The following CSPP1 variants were observed in gnomAD, a reference collection of about 807,000 sequenced individuals.
CSPP1 encodes centrosome and spindle pole-associated protein 1.
In CSPP1, 126 loss-of-function variants were observed where a neutral mutation model predicts 164.4. The observed-to-expected ratio is 0.77, with a 90% CI of 0.66 to 0.89. The LOEUF (loss-of-function observed/expected upper bound fraction) is 0.89. Ranked by LOEUF, CSPP1 falls within the 40% of genes least tolerant of loss-of-function variation. The pLI is 0.00. For missense variants in CSPP1, 1,395 were observed against 1,449.8 expected (o/e 0.96, Z 0.61); for synonymous variants, 472 against 476.7 (o/e 0.99, Z 0.13).
At chr8:67,068,519 C>T (rs2129539716) in intron 1 of CSPP1, among the ~76,000 whole-genome samples, 1 of 152,284 alleles carries the variant, frequency 6.6e-6, no homozygotes, top group African/African-American at 2.4e-5. Flanking sequence ...TTTTTGGCAA[C>T]TTAATCCTTA....
Position 67,195,754 on chromosome 8 carries a change from T to TA in CSPP1, c.*165dup. 1.6e-6 allele frequency: 1 copy of TA among 608,056 alleles called. No homozygotes were observed. 37.7% of individuals were successfully genotyped at this position (608,056 alleles called of 1,614,324 possible). ...TCATGATGTATATTATGTACATAAA[T>TA]AAAAGGCCATGATTATTGATTTATA... On this transcript the variant is annotated 3_prime_UTR_variant, in exon 31 of 31. Coordinates refer to ENST00000678616, the MANE Select transcript of CSPP1 (RefSeq NM_001382391.1).
At chr8:67,143,259 C>T (rs7003018) in intron 17 of CSPP1, among the ~76,000 whole-genome samples, 5,423 of 152,026 alleles carry the variant, frequency 0.036, 203 homozygotes, top group African/African-American at 0.082. Flanking sequence ...CTCTTGATTA[C>T]TATAGCTTTG....
At chr8:67,107,814 T>G (rs568093247) in intron 9 of CSPP1, among the ~76,000 whole-genome samples, 219 of 152,182 alleles carry the variant, frequency 1.4e-3, no homozygotes, top group African/African-American at 5.0e-3. Flanking sequence ...TATTGTGGGG[T>G]TTATAAGAGA....
chr8:67,192,079 T>TG (rs1554626061), intron 29 of CSPP1, among the ~76,000 whole-genome samples: 1 of 105,802 alleles, frequency 9.5e-6, no homozygotes. Context: ...TTTTTTTTTG[T>TG]TTTTTTTTTT....
At chr8:67,064,601 A>AGCGGGG (rs1327645779) in intron 1 of CSPP1, 63 bp downstream of exon 1, 3 of 1,221,566 alleles carry the variant, frequency 2.5e-6, no homozygotes, top group East Asian at 5.1e-5. Flanking sequence ...GCTGCCCCGG[A>AGCGGGG]GCGGGGGCAG....
chr8:67,152,102 A>G (rs1825819881), intron 18 of CSPP1, among the ~76,000 whole-genome samples: 1 of 151,564 alleles, frequency 6.6e-6, no homozygotes, highest in African/African-American at 2.4e-5. Context: ...AAAAAAAAAA[A>G]AAAAGAATTA....
rs1368030981 is a variant in CSPP1 at position 67,196,018 on chromosome 8, C to CCAGTTTCTGTGTGATGCAATCAAATGT, written c.*427_*453dup. 3.8e-5 allele frequency: 6 copies of CCAGTTTCTGTGTGATGCAATCAAATGT among 158,744 alleles called. No homozygotes were observed. The highest frequency in any genetic ancestry group is 1.5e-4 in the African/African-American group (6 of 41,260). The allele number at this position is 158,744 out of a possible 1,614,324, so 9.8% of individuals were successfully genotyped here. ...TACATCTATTGTAGCTGTGATTATT[C>CCAGTTTCTGTGTGATGCAATCAAATGT]CAGTTTCTGTGTGATGCAATCAAAT... is the stretch of plus-strand genomic sequence containing the variant. On this transcript the variant is annotated 3_prime_UTR_variant, in exon 31 of 31. Transcript: ENST00000678616.
At chr8:67,133,039 T>C (rs544833690) in intron 16 of CSPP1, among the ~76,000 whole-genome samples, 88 of 152,338 alleles carry the variant, frequency 5.8e-4, no homozygotes, top group African/African-American at 2.0e-3. Flanking sequence ...TATGTTAGGA[T>C]TCTACAAATA....
At chr8:67,167,221 C>T (rs554589824) in intron 24 of CSPP1, among the ~76,000 whole-genome samples, 3 of 152,366 alleles carry the variant, frequency 2.0e-5, no homozygotes, top group Admixed American at 2.0e-4. Flanking sequence ...ATGGCCCGTT[C>T]TCAATGAGCT....
At chr8:67,067,066 T>C (rs1805714238) in intron 1 of CSPP1, among the ~76,000 whole-genome samples, 1 of 152,168 alleles carries the variant, frequency 6.6e-6, no homozygotes, top group African/African-American at 2.4e-5. Context: ...ACATTTTATA[T>C]TTTTGACTAC....
intron 16 of CSPP1, among the ~76,000 whole-genome samples, chr8:67,133,240 T>C (rs1342389243): frequency 6.6e-6 from 1 of 152,232 alleles, no homozygotes; most frequent in Non-Finnish European, 1.5e-5. Context: ...TTCCAAAATG[T>C]AGACACTTGT....
At chr8:67,102,880 A>T (rs1278300855) in intron 7 of CSPP1, among the ~76,000 whole-genome samples, 157 bp from the exon 8 acceptor site, 1 of 152,248 alleles carries the variant, frequency 6.6e-6, no homozygotes, top group Non-Finnish European at 1.5e-5. Flanking sequence ...AGCAGATCAT[A>T]CAAATTCTAT....
chr8:67,141,893 A>G (rs1314332568), intron 17 of CSPP1, among the ~76,000 whole-genome samples: 1 of 152,246 alleles, frequency 6.6e-6, no homozygotes, highest in Non-Finnish European at 1.5e-5. Flanking sequence ...CTAAGACCAC[A>G]TAACGTCTGT....
At chr8:67,111,200 C>T (rs982507472) in intron 9 of CSPP1, among the ~76,000 whole-genome samples, 2 of 152,146 alleles carry the variant, frequency 1.3e-5, no homozygotes, top group Non-Finnish European at 2.9e-5. Context: ...GTGGCATTAA[C>T]ATATGCAATA....
rs1477941556 is a variant in CSPP1 at position 67,159,848 on chromosome 8, TTCTTTTTCTTTCTTTC to T, written c.2538+713_2538+728del. On this transcript the variant is annotated intron_variant, in intron 21 of 30. Coordinates refer to ENST00000678616, the MANE Select transcript of CSPP1 (RefSeq NM_001382391.1). ...TCTCTCTCTTTCTTTCTTTCTTTCT[TTCTTTTTCTTTCTTTC>T]TTTCTTTCTTTCTTTCTTTCTTTCT... Among the ~76,000 whole-genome samples, 390 of 117,098 alleles carry T rather than the reference TTCTTTTTCTTTCTTTC, an allele frequency of 3.3e-3. 2 individuals are homozygous for T. Among genetic ancestry groups the T allele is most frequent in the Middle Eastern group, 0.012 (3 of 260 alleles). 76.8% of individuals were successfully genotyped at this position (117,098 alleles called of 152,430 possible). A position where few individuals can be genotyped will look rare whatever the true frequency, so the allele number is the denominator to read the frequency against.
At chr8:67,130,542 C>T (rs1322809771) in intron 15 of CSPP1, among the ~76,000 whole-genome samples, 1 of 152,162 alleles carries the variant, frequency 6.6e-6, no homozygotes, top group Admixed American at 6.5e-5. Flanking sequence ...CTCATCTTCC[C>T]TTTTAGCCAC....
chr8:67,192,901 C>T (rs112055478), intron 29 of CSPP1, among the ~76,000 whole-genome samples: 2,398 of 152,230 alleles, frequency 0.016, 65 homozygotes, highest in African/African-American at 0.055. Context: ...TGGACTAAGC[C>T]CCTGCTGCTT....
chr8:67,081,189 G>A (rs942818489), intron 3 of CSPP1: 1 of 132,360 alleles, frequency 7.6e-6, no homozygotes, highest in African/African-American at 3.6e-5. Context: ...CCCATCATCT[G>A]GTAAATTTTA....
intron 28 of CSPP1, among the ~76,000 whole-genome samples, chr8:67,183,939 G>A (rs1408025763): frequency 2.2e-5 from 3 of 136,034 alleles, no homozygotes; most frequent in East Asian, 2.4e-4. Flanking sequence ...TGCAACCTCC[G>A]CCTCCCGGGT....
Sources: allele counts gnomAD v4.1 joint callset (sites outside exome capture counted in the v4.1 genomes callset), GRCh38; gene constraint gnomAD v4.1.1; transcripts MANE v1.5; gene names NCBI Gene and HGNC (gene_info 2026-07-23, HGNC 2026-07-21).